PHRF1: variants seen among roughly 807,000 people sequenced by gnomAD.
PHRF1 encodes the protein PHD and RING finger domain-containing protein 1.
Under a neutral mutation model 128.9 loss-of-function variants are expected in PHRF1, and 53 were observed. The observed-to-expected ratio is 0.41, with a 90% CI of 0.33 to 0.52. The LOEUF (loss-of-function observed/expected upper bound fraction) is 0.52. PHRF1 is among the 20% of genes least tolerant of loss of function. The pLI, the probability that PHRF1 is intolerant of heterozygous loss-of-function variation, is 0.21. For synonymous variants in PHRF1, 1,178 were observed against 980.6 expected, an observed-to-expected ratio of 1.20 and a Z score of -3.76; for missense variants, 2,503 against 2,284.5, an observed-to-expected ratio of 1.10 and a Z score of -1.95.
rs999084333 is a variant in PHRF1 at position 607,903 on chromosome 11, T to C, written c.2447T>C (p.Leu816Pro). The change falls in exon 14 of 18, where the codon CTC (leucine) becomes CCC (proline). Residue 816 changes from leucine (L) to proline (P), a missense_variant. Transcript: ENST00000264555. ...CAGAGGAAGGAGAACCCCTCACCCC[T>C]CTTCTCCATCAAGAAGACGAAGCAG... ...KEQRKENPSP[L>P]FSIKKTKQLR... 15 of 1,612,422 alleles carry C rather than the reference T, an allele frequency of 9.3e-6. No homozygotes were observed. The Middle Eastern group carries it at 4.9e-4, about 53-fold the overall frequency.
At chr11:601,787 G>T in intron 10 of PHRF1, 86 bp downstream of exon 10, 1 of 1,549,994 alleles carries the variant, frequency 6.5e-7, no homozygotes, top group African/African-American at 1.4e-5. Flanking sequence ...CCTCCCGCTG[G>T]CCTTGGCACC....
At chr11:592,142 C>G (rs1445752959) in intron 5 of PHRF1, among the ~76,000 whole-genome samples, 2 of 152,046 alleles carry the variant, frequency 1.3e-5, no homozygotes, top group African/African-American at 4.8e-5. Flanking sequence ...GTCTCGATCT[C>G]CTGACCTCGT....
Position 597,110 on chromosome 11 carries a change from G to T in PHRF1, c.718+90G>T, listed in dbSNP as rs1328466057. 44 of 1,355,172 alleles carry T rather than the reference G, an allele frequency of 3.2e-5. No homozygotes were observed. The highest frequency in any genetic ancestry group is 4.3e-5 in the Non-Finnish European group (42 of 974,294). The allele number at this position is 1,355,172 out of a possible 1,614,324, so 83.9% of individuals were successfully genotyped here. A position where few individuals can be genotyped will look rare whatever the true frequency, so the allele number is the denominator to read the frequency against. ...GGGGTTAGGTTTGGCTGCTGTGTGG[G>T]GAGGACATCTAGGGCTGTCTCATGG... On this transcript the variant is annotated intron_variant, in intron 7 of 17. Coordinates refer to ENST00000264555, the MANE Select transcript of PHRF1 (RefSeq NM_001286581.2). The surrounding 1 kb of genome is among the most constrained non-coding windows in gnomAD (Gnocchi z 6.5).
chr11:599,337 A>G (rs1589885925), intron 9 of PHRF1, among the ~76,000 whole-genome samples: 1 of 127,102 alleles, frequency 7.9e-6, no homozygotes, highest in Non-Finnish European at 1.5e-5. Flanking sequence ...TGCATCCTCC[A>G]CCTTCCGGGT....
chr11:597,709 A>AG lies in PHRF1; in HGVS notation c.894+143dup, dbSNP rs1215831437. Reference sequence around the variant, plus strand: ...GTGGCTCATGTTGTTCGGCCTGCTGAGGGGAGCAGATGAGTGCACCCCAGG... The same window carrying AG: ...GTGGCTCATGTTGTTCGGCCTGCTGAGGGGGAGCAGATGAGTGCACCCCAGG... On this transcript the variant is annotated intron_variant, in intron 8 of 17. Transcript: ENST00000264555. This position sits in a 1 kb window ranked among gnomAD's most constrained non-coding sequence, Gnocchi z 6.5. The AG allele has an allele frequency of 4.1e-6, 5 of 1,206,458 alleles. No individual in the cohort carries two copies. In the African/African-American group the frequency reaches 7.6e-5, roughly 18 times the overall value. 74.7% of individuals were successfully genotyped at this position (1,206,458 alleles called of 1,614,324 possible).
chr11:588,052 G>T (rs1473462061), intron 4 of PHRF1, among the ~76,000 whole-genome samples: 3 of 152,032 alleles, frequency 2.0e-5, no homozygotes, highest in African/African-American at 7.2e-5. Flanking sequence ...ATGAGTCCCC[G>T]ACCTCTGTAC....
intron 1 of PHRF1, 34 bp from the exon 2 acceptor site, chr11:581,458 A>G: frequency 6.3e-7 from 1 of 1,592,950 alleles, no homozygotes; most frequent in Non-Finnish European, 8.6e-7. Flanking sequence ...AGCCTGGGAC[A>G]GTTTGGAAGT....
chr11:597,453 C>T lies in PHRF1; in HGVS notation c.777C>T (p.Thr259=). Residue 259 remains threonine, a synonymous_variant, in exon 8 of 18, where the codon ACC becomes ACT. Coordinates refer to ENST00000264555, the MANE Select transcript of PHRF1 (RefSeq NM_001286581.2). The surrounding 1 kb of genome is among the most constrained non-coding windows in gnomAD (Gnocchi z 6.5). ...VSLLLADVVP[T]TSRLRPRAGR... ...TGCTCTTGGCTGATGTGGTGCCCAC[C>T]ACCAGCAGGCTTCGGCCTCGAGCAG... The T allele has an allele frequency of 6.2e-7, 1 of 1,612,896 alleles. No homozygotes were observed. The highest frequency in any genetic ancestry group is 1.1e-5 in the South Asian group (1 of 90,866).
At chr11:603,053 C>T (rs934683588) in intron 10 of PHRF1, among the ~76,000 whole-genome samples, 1 of 151,952 alleles carries the variant, frequency 6.6e-6, no homozygotes, top group Non-Finnish European at 1.5e-5. Flanking sequence ...AGCCACCGTG[C>T]CCAGCCTTTG....
chr11:602,357 C>G (rs1299005006), intron 10 of PHRF1, among the ~76,000 whole-genome samples: 1 of 152,162 alleles, frequency 6.6e-6, no homozygotes, highest in African/African-American at 2.4e-5. Flanking sequence ...TCCACTCGGA[C>G]TGCACATTTA....
chr11:597,028 C>T lies in PHRF1; in HGVS notation c.718+8C>T, dbSNP rs754619897. ...GTGTTGTCCTTGCCGCTGGTAAGGA[C>T]ACTGCTCCCGTCCCAAGGCGCACAT... On this transcript the variant is annotated splice_region_variant and intron_variant, in intron 7 of 17. Transcript: ENST00000264555. The surrounding 1 kb of genome is among the most constrained non-coding windows in gnomAD (Gnocchi z 6.5). 6.2e-7 allele frequency: 1 copy of T among 1,613,466 alleles called. No homozygotes were observed. Among genetic ancestry groups the T allele is most frequent in the Non-Finnish European group, 8.5e-7 (1 of 1,179,626 alleles).
At position 596,962 on chromosome 11, in the gene PHRF1, G is replaced by C. The variant is rs1286218856; in HGVS notation, c.660G>C (p.Val220=). 1 of 1,613,760 alleles carries C rather than the reference G, an allele frequency of 6.2e-7. No individual in the cohort carries two copies. Among genetic ancestry groups the C allele is most frequent in the Non-Finnish European group, 8.5e-7 (1 of 1,179,888 alleles). The part of the protein sequence containing the change: ...MECLDPPLQE[V]PVDEWFCPEC... ...GCTTGGACCCCCCTCTCCAGGAGGT[G>C]CCGGTGGACGAGTGGTTCTGCCCGG... is the stretch of plus-strand genomic sequence containing the variant. Residue 220 remains valine (V), a synonymous_variant, in exon 7 of 18, where the codon GTG becomes GTC. Coordinates refer to ENST00000264555, the MANE Select transcript of PHRF1 (RefSeq NM_001286581.2).
chr11:609,799 C>CAGTGAGTAAGG, intron 14 of PHRF1, 79 bp downstream of exon 14: 2 of 997,198 alleles, frequency 2.0e-6, no homozygotes, highest in South Asian at 1.9e-5. Flanking sequence ...ACAGAGCCCC[C>CAGTGAGTAAGG]CGTGAGTAAG....
At chr11:578,694 C>A (rs1854032325) in intron 1 of PHRF1, among the ~76,000 whole-genome samples, 1 of 152,172 alleles carries the variant, frequency 6.6e-6, no homozygotes, top group Non-Finnish European at 1.5e-5. Flanking sequence ...GACTCCCGAG[C>A]AGCTGGGACT....
intron 11 of PHRF1, 113 bp from the exon 12 acceptor site, chr11:605,492 C>G: frequency 6.6e-7 from 1 of 1,517,416 alleles, no homozygotes; most frequent in Non-Finnish European, 8.9e-7. Flanking sequence ...CCGAATCACA[C>G]GTGCCGCCAC....
intron 10 of PHRF1, among the ~76,000 whole-genome samples, chr11:603,483 A>C (rs1462005687): frequency 3.9e-5 from 6 of 151,984 alleles, no homozygotes; most frequent in Admixed American, 2.6e-4. Context: ...CCACAGGCTC[A>C]CGCCACCTCA....
At chr11:582,966 G>A (rs775105643) in intron 3 of PHRF1, among the ~76,000 whole-genome samples, 100 of 151,248 alleles carry the variant, frequency 6.6e-4, no homozygotes, top group Non-Finnish European at 1.2e-3. Context: ...CCTAGGAGGT[G>A]GAGGTTGCAG....
chr11:587,337 C>G lies in PHRF1; in HGVS notation c.293C>G (p.Ser98Cys). Reference protein sequence around the residue: ...GTQGKLEAAGSFNSDDDAESC... With the variant: ...GTQGKLEAAGCFNSDDDAESC... Reference sequence around the variant, plus strand: ...CAGGGGAAACTGGAAGCCGCTGGCTCTTTCAATTCTGATGATGATGCAGAG... The same window carrying G: ...CAGGGGAAACTGGAAGCCGCTGGCTGTTTCAATTCTGATGATGATGCAGAG... Residue 98 changes from serine to cysteine, a missense_variant, in exon 4 of 18, where the codon TCT (serine) becomes TGT (cysteine). Physicochemically the swap from Ser to Cys is moderately radical, Grantham distance 112 (BLOSUM62 -1). Transcript: ENST00000264555. The G allele has an allele frequency of 1.2e-6, 2 of 1,613,814 alleles. No homozygotes were observed. The highest frequency in any genetic ancestry group is 1.7e-6 in the Non-Finnish European group (2 of 1,179,904).
intron 2 of PHRF1, 135 bp downstream of exon 2, chr11:581,741 A>C: frequency 9.7e-7 from 1 of 1,032,110 alleles, no homozygotes; most frequent in Non-Finnish European, 1.4e-6. Flanking sequence ...TAAATTGCGG[A>C]AGTAGTGTAT....
Sources: gnomAD v4.1 joint callset for allele counts (sites outside exome capture counted in the v4.1 genomes callset) on GRCh38, gnomAD v4.1.1 for gene constraint, Gnocchi (gnomAD v3.1) non-coding constraint, MANE v1.5 for transcripts, NCBI Gene and HGNC (gene_info 2026-07-23, HGNC 2026-07-21) for gene names.